Variants in DPP6 observed in about 807,000 individuals in gnomAD.
The protein encoded by DPP6 is dipeptidyl peptidase like 6, also known as A-type potassium channel modulatory protein DPP6.
A neutral mutation model predicts 122.6 loss-of-function variants in DPP6; 69 were observed. That is an observed-to-expected ratio of 0.56 (90% CI 0.46 to 0.69). DPP6 has a LOEUF of 0.69. Among genes scored for constraint, DPP6 ranks in the 30% least tolerant of loss-of-function variants. DPP6 has a pLI of 0.00. For missense variants in DPP6, 928 were observed against 1,116.9 expected (o/e 0.83, Z 2.41); for synonymous variants, 418 against 433.1 (o/e 0.97, Z 0.43).
intron 7 of DPP6, among the ~76,000 whole-genome samples, chr7:154,721,175 A>T (rs1436286569): frequency 6.6e-6 from 1 of 152,232 alleles, no homozygotes; most frequent in African/African-American, 2.4e-5. Context: ...TTTATTTAGC[A>T]CATTGCTGTC....
intron 1 of DPP6, among the ~76,000 whole-genome samples, chr7:153,988,071 C>T (rs1006285901): frequency 2.0e-5 from 3 of 152,188 alleles, no homozygotes; most frequent in African/African-American, 4.8e-5. Context: ...TCTCTAATTA[C>T]CCTTTGTCCC....
In DPP6 at chr7:154,282,949, C is replaced by T. The variant is rs1341902348; in HGVS notation, c.244-163265C>T. 6.6e-6 allele frequency among the ~76,000 whole-genome samples: 1 copy of T among 152,122 alleles called. No homozygotes were observed. Among genetic ancestry groups the T allele is most frequent in the Non-Finnish European group, 1.5e-5 (1 of 68,014 alleles). Reference sequence around the variant, plus strand: ...AACATGTCTGATGCCTAGCTCTGGACTCAAGGGCATCAGACATCAGAACAC... The same window carrying T: ...AACATGTCTGATGCCTAGCTCTGGATTCAAGGGCATCAGACATCAGAACAC... On this transcript the variant is annotated intron_variant, in intron 1 of 25. Coordinates refer to ENST00000377770, the MANE Select transcript of DPP6 (RefSeq NM_130797.4). This position sits in a 1 kb window ranked among gnomAD's most constrained non-coding sequence, Gnocchi z 4.8.
At chr7:153,810,448 A>G in the DPP6 span, among the ~76,000 whole-genome samples, 2 of 152,258 alleles carry the variant, frequency 1.3e-5, no homozygotes, top group African/African-American at 4.8e-5. Context: ...CTGGAGCGAA[A>G]GGAATGGGAT....
chr7:154,073,804 A>T (rs977118186), intron 1 of DPP6, among the ~76,000 whole-genome samples: 2 of 152,166 alleles, frequency 1.3e-5, no homozygotes, highest in African/African-American at 4.8e-5. Context: ...TTAAATAAAT[A>T]TGAAACCCCA....
At chr7:153,758,243 A>T in the DPP6 span, among the ~76,000 whole-genome samples, 2 of 152,230 alleles carry the variant, frequency 1.3e-5, no homozygotes, top group Non-Finnish European at 2.9e-5. Flanking sequence ...GTTATAAATT[A>T]TTGAAGTCAG....
In DPP6 at chr7:154,481,367, G is replaced by GTC. The variant is rs1554564258; in HGVS notation, c.457+6331_457+6332insCT. On this transcript the variant is annotated intron_variant, in intron 3 of 25. Coordinates refer to ENST00000377770, the MANE Select transcript of DPP6 (RefSeq NM_130797.4). This position sits in a 1 kb window ranked among gnomAD's most constrained non-coding sequence, Gnocchi z 4.2. ...GAGGGGTGTGTGTGTGTGTGTGTGT[G>GTC]TGTGTGTCTGTGTGTGTGTGCATGT... Among the ~76,000 whole-genome samples the GTC allele has an allele frequency of 6.6e-6, 1 of 151,668 alleles. No individual in the cohort carries two copies. The highest frequency in any genetic ancestry group is 1.5e-5 in the Non-Finnish European group (1 of 67,952).
chr7:153,900,357 A>G, intron 1 of DPP6, among the ~76,000 whole-genome samples: 1 of 151,956 alleles, frequency 6.6e-6, no homozygotes, highest in East Asian at 1.9e-4. Context: ...CTATAAAGGC[A>G]TACCTGAGGC....
the DPP6 span, among the ~76,000 whole-genome samples, chr7:153,809,975 A>G: frequency 1.3e-5 from 2 of 152,164 alleles, no homozygotes; most frequent in Admixed American, 6.5e-5. Flanking sequence ...AGAAGTCTCC[A>G]GTGCCTTAAA....
the DPP6 span, among the ~76,000 whole-genome samples, chr7:153,795,796 T>C: frequency 6.6e-6 from 1 of 150,838 alleles, no homozygotes; most frequent in Non-Finnish European, 1.5e-5. Flanking sequence ...GGTATGATTT[T>C]ATTCTCATTC....
At chr7:153,882,376 G>T (rs1798780317), upstream of DPP6, among the ~76,000 whole-genome samples, 1 of 152,108 alleles carries the variant, frequency 6.6e-6, no homozygotes, top group South Asian at 2.1e-4. Context: ...TTTACAAATT[G>T]GGAATTTTAC....
chr7:154,359,737 A>G (rs1217123002), intron 1 of DPP6, among the ~76,000 whole-genome samples: 2 of 152,218 alleles, frequency 1.3e-5, no homozygotes, highest in Non-Finnish European at 2.9e-5. Flanking sequence ...TAGATGGGTG[A>G]GCATGGAACT....
At chr7:153,918,565 AGTCTCTCTCTCT>A (rs1358443338) in intron 1 of DPP6, among the ~76,000 whole-genome samples, 2,644 of 57,050 alleles carry the variant, frequency 0.046, 36 homozygotes, top group East Asian at 0.053. Flanking sequence ...ACACACACAC[AGTCTCTCTCTCT>A]CTCTCTCTCT....
chr7:154,861,247 A>ATAAT (rs912935997), intron 17 of DPP6, among the ~76,000 whole-genome samples: 34 of 152,292 alleles, frequency 2.2e-4, no homozygotes, highest in Non-Finnish European at 3.8e-4. Context: ...AATCCCTAAG[A>ATAAT]TAATTTTTGA....
intron 7 of DPP6, among the ~76,000 whole-genome samples, chr7:154,689,479 T>C (rs894337387): frequency 2.6e-5 from 4 of 152,208 alleles, no homozygotes; most frequent in African/African-American, 9.7e-5. Flanking sequence ...TATTGTATTG[T>C]CAGTAGAAAA....
chr7:154,641,834 A>G (rs1836114774), intron 6 of DPP6, among the ~76,000 whole-genome samples: 1 of 152,220 alleles, frequency 6.6e-6, no homozygotes, highest in Admixed American at 6.5e-5. Flanking sequence ...GAACTGTAAT[A>G]GAATAGAAAC....
At chr7:154,170,872 G>A (rs553523512) in intron 1 of DPP6, among the ~76,000 whole-genome samples, 13 of 152,084 alleles carry the variant, frequency 8.5e-5, no homozygotes, top group Non-Finnish European at 1.6e-4. Flanking sequence ...CCACATTCAC[G>A]GTAGGAGATG....
rs552919287 is a variant in DPP6 at position 154,627,000 on chromosome 7, C to CTTT, written c.628-10792_628-10790dup. ...ATCTGGGGTCCATTAGAAATTTTTT[C>CTTT]TTTTTTTTTTTTTTTTTTTTTTTTT... On this transcript the variant is annotated intron_variant, in intron 5 of 25. Transcript: ENST00000377770. 3.0e-3 allele frequency among the ~76,000 whole-genome samples: 154 copies of CTTT among 52,128 alleles called. 15 individuals carry two copies. Among genetic ancestry groups the CTTT allele is most frequent in the Admixed American group, 4.4e-3 (13 of 2,972 alleles). 34.2% of individuals were successfully genotyped at this position (52,128 alleles called of 152,430 possible).
At chr7:154,275,412 G>A (rs891383947) in intron 1 of DPP6, among the ~76,000 whole-genome samples, 10 of 152,084 alleles carry the variant, frequency 6.6e-5, no homozygotes, top group East Asian at 3.9e-4. Context: ...CCCAAAGAGC[G>A]GAACAAAGAG....
rs1196603485 is a variant in DPP6 at position 154,486,595 on chromosome 7, T to C, written c.457+11558T>C. 6.6e-6 allele frequency among the ~76,000 whole-genome samples: 1 copy of C among 152,240 alleles called. No individual in the cohort carries two copies. Among genetic ancestry groups the C allele is most frequent in the Non-Finnish European group, 1.5e-5 (1 of 68,040 alleles). ...TTGACCCAAAATACATTCTCTCTGATTTTCCAAATTAGAATTAGTTGTGTA... is the reference window on the plus strand; with the variant it reads ...TTGACCCAAAATACATTCTCTCTGACTTTCCAAATTAGAATTAGTTGTGTA... On this transcript the variant is annotated intron_variant, in intron 3 of 25. Transcript: ENST00000377770. The surrounding 1 kb of genome is among the most constrained non-coding windows in gnomAD (Gnocchi z 4.5).
Sources: gnomAD v4.1 joint callset for allele counts (sites outside exome capture counted in the v4.1 genomes callset) on GRCh38, gnomAD v4.1.1 for gene constraint, Gnocchi (gnomAD v3.1) non-coding constraint, MANE v1.5 for transcripts, NCBI Gene and HGNC (gene_info 2026-07-23, HGNC 2026-07-21) for gene names.